The following HOOK3 variants were observed in gnomAD, a reference collection of about 807,000 sequenced individuals.
The protein encoded by HOOK3 is hook microtubule tethering protein 3, also known as protein Hook homolog 3.
Under a neutral mutation model 116.3 loss-of-function variants are expected in HOOK3, and 24 were observed. That is an observed-to-expected ratio of 0.21 (90% confidence interval 0.15 to 0.29). HOOK3 has a LOEUF of 0.29. Among genes scored for constraint, HOOK3 ranks in the 10% least tolerant of loss-of-function variants. HOOK3 has a pLI of 1.00. For missense variants in HOOK3, 632 were observed against 830.2 expected, an observed-to-expected ratio of 0.76 and a Z score of 2.93; for synonymous variants, 275 against 283.0, an observed-to-expected ratio of 0.97 and a Z score of 0.28.
chr8:42,915,915 C>G (rs747450683), intron 2 of HOOK3, among the ~76,000 whole-genome samples: 2 of 152,210 alleles, frequency 1.3e-5, no homozygotes, highest in Admixed American at 1.3e-4. Context: ...CCATTTCACT[C>G]AGGCTAAGAA....
intron 14 of HOOK3, among the ~76,000 whole-genome samples, chr8:42,983,903 T>TA (rs1335416069): frequency 6.6e-6 from 1 of 152,238 alleles, no homozygotes; most frequent in Non-Finnish European, 1.5e-5. Flanking sequence ...TTTTGGGGCC[T>TA]ATTTGCCCCT....
At chr8:42,943,242 C>A in intron 4 of HOOK3, 71 bp from the exon 5 acceptor site, 1 of 1,050,204 alleles carries the variant, frequency 9.5e-7, no homozygotes, top group Admixed American at 3.1e-5. Flanking sequence ...AATAACAAAC[C>A]TCGATCAAGT....
intron 4 of HOOK3, among the ~76,000 whole-genome samples, chr8:42,934,793 T>C (rs946648914): frequency 2.0e-5 from 3 of 152,256 alleles, no homozygotes; most frequent in African/African-American, 7.2e-5. Context: ...CAGTCTATCA[T>C]TGATGGGCAT....
chr8:42,982,271 GAAAAAAAA>G (rs753456985), intron 13 of HOOK3, among the ~76,000 whole-genome samples: 2 of 118,130 alleles, frequency 1.7e-5, no homozygotes, highest in African/African-American at 6.8e-5. Context: ...AAAAAAAAAA[GAAAAAAAA>G]AAAGAAAAAA....
At chr8:42,899,474 CTGGGTTTGT>C (rs1807139187) in intron 1 of HOOK3, among the ~76,000 whole-genome samples, 1 of 152,256 alleles carries the variant, frequency 6.6e-6, no homozygotes, top group African/African-American at 2.4e-5. Context: ...AGTTTAAATG[CTGGGTTTGT>C]TCTCTTTTAG....
At chr8:42,954,860 G>C (rs1435070414) in intron 6 of HOOK3, among the ~76,000 whole-genome samples, 1 of 152,174 alleles carries the variant, frequency 6.6e-6, no homozygotes, top group Non-Finnish European at 1.5e-5. Flanking sequence ...GAAAGGAAGG[G>C]GTGGGCATGC....
intron 10 of HOOK3, among the ~76,000 whole-genome samples, chr8:42,967,800 C>T (rs1424877962): frequency 2.0e-5 from 3 of 151,694 alleles, no homozygotes; most frequent in East Asian, 2.0e-4. Flanking sequence ...TGCTGGCTGC[C>T]CTCTCCTGCT....
intron 1 of HOOK3, among the ~76,000 whole-genome samples, chr8:42,905,255 T>C (rs1204367996): frequency 6.6e-6 from 1 of 150,866 alleles, no homozygotes; most frequent in Non-Finnish European, 1.5e-5. Context: ...ATCAAGATTT[T>C]TAAATTCAGT....
At chr8:42,969,289 T>G (rs1305829359) in intron 11 of HOOK3, among the ~76,000 whole-genome samples, 1 of 152,242 alleles carries the variant, frequency 6.6e-6, no homozygotes, top group Admixed American at 6.5e-5. Context: ...GCAGTTTATA[T>G]TCCTGTTGCT....
chr8:42,907,679 A>G (rs750306555), intron 2 of HOOK3, among the ~76,000 whole-genome samples: 17 of 152,272 alleles, frequency 1.1e-4, no homozygotes, highest in South Asian at 6.2e-4. Context: ...TAGTTTGAGT[A>G]GGATCTTTAT....
intron 7 of HOOK3, 93 bp from the exon 8 acceptor site, chr8:42,959,136 GAC>G (rs1563301265): frequency 2.6e-6 from 2 of 770,876 alleles, no homozygotes; most frequent in African/African-American, 1.7e-5. Context: ...CTTCAGGAAA[GAC>G]AGGGGGGAGA....
intron 15 of HOOK3, 128 bp from the exon 16 acceptor site, chr8:42,997,422 C>T (rs986854831): frequency 4.4e-5 from 27 of 617,156 alleles, no homozygotes; most frequent in Admixed American, 8.9e-5. Flanking sequence ...TAGGCCACTA[C>T]TATACTACTA....
chr8:42,921,161 G>GTT (rs77756409), intron 2 of HOOK3, among the ~76,000 whole-genome samples: 8 of 144,098 alleles, frequency 5.6e-5, no homozygotes, highest in African/African-American at 5.1e-5. Flanking sequence ...ACATTTTAAA[G>GTT]TTTTTTTTTT....
chr8:42,999,460 A>C (rs1219454958), intron 16 of HOOK3, among the ~76,000 whole-genome samples: 1 of 152,252 alleles, frequency 6.6e-6, no homozygotes, highest in African/African-American at 2.4e-5. Flanking sequence ...TAAGTAGTAC[A>C]ATACAGGATA....
At chr8:42,955,197 C>CT (rs1449824254) in intron 6 of HOOK3, among the ~76,000 whole-genome samples, 13 of 152,150 alleles carry the variant, frequency 8.5e-5, no homozygotes, top group Non-Finnish European at 1.6e-4. Flanking sequence ...TTGTGCAGTT[C>CT]TTTTTTTACA....
chr8:42,974,124 G>A lies in HOOK3; in HGVS notation c.1251G>A (p.Arg417=), dbSNP rs2130433891. The part of the protein sequence containing the change: ...QKEKDRLRTE[R]DSLKETIEEL... Reference sequence around the variant, plus strand: ...CTCTCCAGAGGCTGAGAACAGAAAGGGATTCTCTGAAGGAAACCATTGAAG... The same window carrying A: ...CTCTCCAGAGGCTGAGAACAGAAAGAGATTCTCTGAAGGAAACCATTGAAG... The change falls in exon 13 of 22, where the codon AGG becomes AGA. Residue 417 remains arginine, a synonymous_variant. Transcript: ENST00000307602. The A allele has an allele frequency of 6.2e-7, 1 of 1,613,622 alleles. No individual in the cohort carries two copies. Among genetic ancestry groups the A allele is most frequent in the Non-Finnish European group, 8.5e-7 (1 of 1,179,568 alleles).
At chr8:42,949,983 A>G (rs1172979340) in intron 5 of HOOK3, among the ~76,000 whole-genome samples, 4 of 152,162 alleles carry the variant, frequency 2.6e-5, no homozygotes. Context: ...AAAATAAAGC[A>G]CAGAGTTCAA....
chr8:42,965,970 A>T (rs1322608859), intron 9 of HOOK3, among the ~76,000 whole-genome samples: 1 of 152,196 alleles, frequency 6.6e-6, no homozygotes, highest in Admixed American at 6.5e-5. Flanking sequence ...AAAAAACAAC[A>T]TGTCACCAAC....
chr8:42,943,927 A>G (rs1186660801), intron 5 of HOOK3, among the ~76,000 whole-genome samples: 2 of 152,202 alleles, frequency 1.3e-5, no homozygotes, highest in Non-Finnish European at 2.9e-5. Flanking sequence ...GTATCATTAT[A>G]TGCAATGTTT....
Sources: allele counts gnomAD v4.1 joint callset (sites outside exome capture counted in the v4.1 genomes callset), GRCh38; gene constraint gnomAD v4.1.1; transcripts MANE v1.5; gene names NCBI Gene and HGNC (gene_info 2026-07-23, HGNC 2026-07-21).